The following USP54 variants were observed in gnomAD, a reference collection of about 807,000 sequenced individuals.
The protein encoded by USP54 is ubiquitin specific peptidase 54.
USP54 carries 87 observed loss-of-function variants against 170.5 expected under a neutral mutation model. The observed-to-expected ratio is 0.51, with a 90% confidence interval of 0.43 to 0.61. The LOEUF is 0.61. Ranked by LOEUF, USP54 falls within the 20% of genes least tolerant of loss-of-function variation. USP54 has a pLI of 0.00. For synonymous variants in USP54, 655 were observed against 742.8 expected, an observed-to-expected ratio of 0.88 and a Z score of 1.92; for missense variants, 1,786 against 2,047.8, an observed-to-expected ratio of 0.87 and a Z score of 2.47.
intron 1 of USP54, among the ~76,000 whole-genome samples, chr10:73,624,192 A>ATATATATT (rs1452923663): frequency 9.2e-6 from 1 of 109,060 alleles, no homozygotes. Flanking sequence ...ATATATATAT[A>ATATATATT]TATGTATTTT....
intron 17 of USP54, among the ~76,000 whole-genome samples, 200 bp downstream of exon 17, chr10:73,523,383 G>A (rs1307920524): frequency 6.6e-6 from 1 of 152,152 alleles, no homozygotes; most frequent in East Asian, 1.9e-4. Flanking sequence ...GCTTTTAATA[G>A]ATGTGCCCCA....
chr10:73,509,352 A>G (rs1290085404), intron 20 of USP54, among the ~76,000 whole-genome samples: 2 of 151,820 alleles, frequency 1.3e-5, no homozygotes, highest in Non-Finnish European at 2.9e-5. Flanking sequence ...CTGTAATCCC[A>G]GCACTTTGGG....
rs560870050 is a variant in USP54, at chr10:73,607,444, T to C, written c.-18+18123A>G. Among the ~76,000 whole-genome samples the C allele has an allele frequency of 5.3e-5, 8 of 152,190 alleles. No homozygotes were observed. The South Asian group carries it at 1.2e-3, about 24-fold the overall frequency. The stretch of plus-strand genomic sequence containing the variant: ...GTCTTTAATTATTTGTCATATTCTA[T>C]ACAAAGTTTGAAGTCTGCATTAAGT... On this transcript the variant is annotated intron_variant, in intron 1 of 22. Coordinates refer to the USP54 transcript ENST00000339859.
intron 17 of USP54, among the ~76,000 whole-genome samples, 183 bp from the exon 18 acceptor site, chr10:73,521,210 G>C (rs2061832131): frequency 6.6e-6 from 1 of 152,168 alleles, no homozygotes; most frequent in Admixed American, 6.5e-5. Flanking sequence ...CCTTAACCAA[G>C]ATGTTACCAA....
At chr10:73,572,670 G>T (rs1270249504) in intron 3 of USP54, among the ~76,000 whole-genome samples, 2 of 152,116 alleles carry the variant, frequency 1.3e-5, no homozygotes, top group Non-Finnish European at 1.5e-5. Context: ...TAGAATATTA[G>T]CTCATAACAA....
At chr10:73,544,466 A>G (rs1157161731) in intron 5 of USP54, among the ~76,000 whole-genome samples, 1 of 152,210 alleles carries the variant, frequency 6.6e-6, no homozygotes, top group Non-Finnish European at 1.5e-5. Flanking sequence ...AACATTCATA[A>G]ACAGGTTTTG....
chr10:73,565,886 T>G (rs538356626), intron 4 of USP54, among the ~76,000 whole-genome samples: 31 of 152,344 alleles, frequency 2.0e-4, no homozygotes, highest in Admixed American at 1.4e-3. Flanking sequence ...TTGGTAGTCA[T>G]GTTGGTAGTC....
intron 4 of USP54, among the ~76,000 whole-genome samples, chr10:73,549,728 A>G (rs1031375766): frequency 6.6e-6 from 1 of 152,198 alleles, no homozygotes; most frequent in African/African-American, 2.4e-5. Flanking sequence ...GATAATTGCA[A>G]GTTTCCTGAC....
Position 73,499,083 on chromosome 10 carries a change from T to TG in USP54, c.4600dup (p.His1534ProfsTer56). The TG allele has an allele frequency of 6.2e-7, 1 of 1,614,148 alleles. No homozygotes were observed. Among genetic ancestry groups the TG allele is most frequent in the Non-Finnish European group, 8.5e-7 (1 of 1,180,026 alleles). On this transcript the variant is annotated frameshift_variant, in exon 24 of 24. Transcript: ENST00000687698. LOFTEE classifies it high-confidence loss of function. The stretch of plus-strand genomic sequence containing the variant: ...CCAGGAGTTGTCTGTTCTGGAGCGA[T>TG]GGGGGAGGCTCTGGTAGTTCAAAGT...
At chr10:73,562,491 T>C (rs544199257) in intron 4 of USP54, among the ~76,000 whole-genome samples, 18 of 152,166 alleles carry the variant, frequency 1.2e-4, no homozygotes, top group Non-Finnish European at 2.4e-4. Flanking sequence ...CCCTGAACAA[T>C]ATGTTCTTCA....
chr10:73,560,628 C>A (rs2072660747), intron 4 of USP54, among the ~76,000 whole-genome samples: 1 of 132,684 alleles, frequency 7.5e-6, no homozygotes, highest in Non-Finnish European at 1.5e-5. Flanking sequence ...CGCGCCACTG[C>A]ACTCCAGCCT....
Position 73,498,583 on chromosome 10 carries a change from GT to G in USP54, c.*45del. On this transcript the variant is annotated 3_prime_UTR_variant, in exon 24 of 24. Coordinates refer to ENST00000687698, the MANE Select transcript of USP54 (RefSeq NM_001391956.1). ...GCCACCGCGCCCGGCCCACAGTACA[GT>G]TTTACAAAGAAAGGTGTAGCTCCAG... 6.7e-7 allele frequency: 1 copy of G among 1,502,438 alleles called. No homozygotes were observed. The allele number at this position is 1,502,438 out of a possible 1,614,324, so 93.1% of individuals were successfully genotyped here. A position where few individuals can be genotyped will look rare whatever the true frequency, so the allele number is the denominator to read the frequency against.
rs769300590 is a variant in USP54, at chr10:73,519,140, CAAAAA to C, written c.2678+652_2678+656del. Reference sequence around the variant, plus strand: ...GGGTGAAAAAGCAAGATCCTGTCTCCAAAAAAAAAAAAAAAAAAAAAATGTTAACT... The same window carrying C: ...GGGTGAAAAAGCAAGATCCTGTCTCCAAAAAAAAAAAAAAAAATGTTAACT... On this transcript the variant is annotated intron_variant, in intron 19 of 23. Transcript: ENST00000687698. 59 of 67,586 alleles carry C rather than the reference CAAAAA, an allele frequency of 8.7e-4. No homozygotes were observed. In the South Asian group the frequency reaches 0.01, roughly 12 times the overall value. The allele number at this position is 67,586 out of a possible 1,614,324, so 4.2% of individuals were successfully genotyped here. A position where few individuals can be genotyped will look rare whatever the true frequency, so the allele number is the denominator to read the frequency against.
chr10:73,514,379 A>C (rs1278739858), intron 20 of USP54, among the ~76,000 whole-genome samples: 6 of 151,558 alleles, frequency 4.0e-5, no homozygotes, highest in Admixed American at 3.3e-4. Flanking sequence ...CCTGGCCAAC[A>C]TGGTGAACCC....
chr10:73,517,826 C>A, intron 19 of USP54, 79 bp from the exon 20 acceptor site: 1 of 1,473,350 alleles, frequency 6.8e-7, no homozygotes. Context: ...ACATTCCATT[C>A]CCATTTCTAG....
chr10:73,606,175 C>CAAAAAAAAAAAAAAAAAAAAAAA (rs1178699732), intron 1 of USP54, among the ~76,000 whole-genome samples: 1 of 25,622 alleles, frequency 3.9e-5, no homozygotes, highest in Non-Finnish European at 9.8e-5. Context: ...GAGGCTGTCT[C>CAAAAAAAAAAAAAAAAAAAAAAA]AAAAAAAAAA....
At chr10:73,605,874 G>A (rs1324425999) in intron 1 of USP54, among the ~76,000 whole-genome samples, 3 of 151,948 alleles carry the variant, frequency 2.0e-5, no homozygotes, top group Non-Finnish European at 2.9e-5. Flanking sequence ...TGGAGTCTCA[G>A]TTTTATGAGA....
At chr10:73,534,252 G>A (rs2133434070) in intron 12 of USP54, among the ~76,000 whole-genome samples, 1 of 151,844 alleles carries the variant, frequency 6.6e-6, no homozygotes, top group South Asian at 2.1e-4. Context: ...TGTTGCCCAG[G>A]CTGGAGTGCA....
intron 17 of USP54, among the ~76,000 whole-genome samples, chr10:73,522,967 C>G (rs2062147348): frequency 6.6e-6 from 1 of 152,008 alleles, no homozygotes; most frequent in African/African-American, 2.4e-5. Context: ...AGATATATGG[C>G]CTATTTAAGG....
Sources: allele counts gnomAD v4.1 joint callset (sites outside exome capture counted in the v4.1 genomes callset), GRCh38; gene constraint gnomAD v4.1.1; transcripts MANE v1.5; gene names NCBI Gene and HGNC (gene_info 2026-07-23, HGNC 2026-07-21).